MYO1H: variants seen among roughly 807,000 people sequenced by gnomAD.
MYO1H encodes unconventional myosin-Ih.
MYO1H carries 118 observed loss-of-function variants against 149.3 expected under a neutral mutation model. The ratio of observed to expected loss-of-function variants is 0.79; its 90% confidence interval spans 0.68 to 0.92. The LOEUF (loss-of-function observed/expected upper bound fraction) is 0.92. Among genes scored for constraint, MYO1H ranks in the 40% least tolerant of loss-of-function variants. The pLI is 0.00. For synonymous variants in MYO1H, 447 were observed against 465.2 expected, an observed-to-expected ratio of 0.96 and a Z score of 0.50; for missense variants, 1,212 against 1,280.7, an observed-to-expected ratio of 0.95 and a Z score of 0.82.
At chr12:109,446,934 A>G (rs1872506835) in intron 31 of MYO1H, 1 of 605,392 alleles carries the variant, frequency 1.7e-6, no homozygotes, top group Admixed American at 2.8e-5. Context: ...TCTCCTCTGG[A>G]GTCACACGGA....
At chr12:109,424,859 G>T in intron 17 of MYO1H, 31 bp downstream of exon 17, 6 of 1,583,414 alleles carry the variant, frequency 3.8e-6, no homozygotes, top group Non-Finnish European at 5.2e-6. Flanking sequence ...TGCAAAATTG[G>T]ATCTCACCAG....
At chr12:109,414,236 G>A (rs926221009) in intron 14 of MYO1H, among the ~76,000 whole-genome samples, 2 of 151,978 alleles carry the variant, frequency 1.3e-5, no homozygotes, top group Admixed American at 6.6e-5. Flanking sequence ...AGCTGTTTGC[G>A]AGACCAAGAC....
the MYO1H span, among the ~76,000 whole-genome samples, chr12:109,327,739 C>CA: frequency 0.087 from 7,409 of 85,542 alleles, 454 homozygotes; most frequent in Middle Eastern, 0.12. Flanking sequence ...AAAACTGTCT[C>CA]AAAAAAAAAA....
chr12:109,318,965 TGG>T, the MYO1H span, among the ~76,000 whole-genome samples: 5,115 of 43,294 alleles, frequency 0.12, 268 homozygotes, highest in African/African-American at 0.27. Context: ...TCTGCGTTTT[TGG>T]TTTTGTTTTT....
At chr12:109,426,892 G>A (rs991464091) in intron 18 of MYO1H, among the ~76,000 whole-genome samples, 4 of 152,104 alleles carry the variant, frequency 2.6e-5, no homozygotes, top group Admixed American at 2.6e-4. Context: ...CTGTCTAAAG[G>A]GGCAACAGCG....
intron 1 of MYO1H, among the ~76,000 whole-genome samples, chr12:109,386,758 G>C (rs1869333473): frequency 6.6e-6 from 1 of 152,118 alleles, no homozygotes; most frequent in African/African-American, 2.4e-5. Flanking sequence ...GTATAATTTA[G>C]GAATATTTTC....
intron 1 of MYO1H, among the ~76,000 whole-genome samples, chr12:109,370,357 T>C (rs969838187): frequency 2.0e-5 from 3 of 152,202 alleles, no homozygotes; most frequent in African/African-American, 7.2e-5. Flanking sequence ...GTCATCTCTA[T>C]CATGCCAAGG....
exon 32 of MYO1H, chr12:109,447,473 C>T (rs80024159): frequency 5.8e-5 from 30 of 519,618 alleles, no homozygotes; most frequent in Non-Finnish European, 8.3e-5. Context: ...CGCAGTCCAA[C>T]GTGTCATTAG....
chr12:109,334,111 G>T, the MYO1H span, among the ~76,000 whole-genome samples: 1 of 152,052 alleles, frequency 6.6e-6, no homozygotes, highest in African/African-American at 2.4e-5. Context: ...CCACCTCCTG[G>T]GTTCAAGCGA....
At chr12:109,380,412 G>A (rs947718369) in intron 1 of MYO1H, among the ~76,000 whole-genome samples, 1 of 152,170 alleles carries the variant, frequency 6.6e-6, no homozygotes, top group Non-Finnish European at 1.5e-5. Flanking sequence ...CTAGCATAGA[G>A]AGATTGACTA....
At chr12:109,423,555 A>G (rs1395127609) in intron 16 of MYO1H, among the ~76,000 whole-genome samples, 1 of 152,188 alleles carries the variant, frequency 6.6e-6, no homozygotes, top group Non-Finnish European at 1.5e-5. Context: ...CATCTTGCAG[A>G]ACTGAAACTC....
intron 1 of MYO1H, among the ~76,000 whole-genome samples, 189 bp downstream of exon 1, chr12:109,348,161 T>C (rs1260295661): frequency 6.6e-6 from 1 of 152,232 alleles, no homozygotes; most frequent in African/African-American, 2.4e-5. Context: ...TCCCTTCTGT[T>C]GCTGGGGGCA....
In MYO1H at chr12:109,426,077, G is replaced by A. The variant is rs149821598; in HGVS notation, c.1831+26G>A. The A allele has an allele frequency of 1.5e-4, 234 of 1,568,562 alleles. 2 individuals carry two copies. The African/African-American group carries it at 2.7e-3, about 18-fold the overall frequency. On this transcript the variant is annotated intron_variant, in intron 18 of 31. Transcript: ENST00000310903. ...GTGAGTTGTGGATCATTATGAACTGGGCTCAGGGAAAGGAGGCTGGGAGCC... is the reference window on the plus strand; with the variant it reads ...GTGAGTTGTGGATCATTATGAACTGAGCTCAGGGAAAGGAGGCTGGGAGCC...
intron 15 of MYO1H, among the ~76,000 whole-genome samples, chr12:109,416,181 C>T (rs987673872): frequency 4.6e-5 from 7 of 152,040 alleles, no homozygotes; most frequent in Non-Finnish European, 1.0e-4. Flanking sequence ...CTCAGCCTCC[C>T]AAAGTGCTGG....
chr12:109,405,806 G>T, intron 7 of MYO1H, 116 bp from the exon 8 acceptor site: 2 of 721,810 alleles, frequency 2.8e-6, no homozygotes, highest in Non-Finnish European at 4.8e-6. Flanking sequence ...GTGTGGAATT[G>T]GGACGGGGGC....
At chr12:109,447,098 G>C in intron 31 of MYO1H, 61 bp from the exon 32 acceptor site, 6 of 1,532,954 alleles carry the variant, frequency 3.9e-6, no homozygotes, top group Non-Finnish European at 5.3e-6. Flanking sequence ...GGTGATAACT[G>C]TTTCCTTTTG....
chr12:109,421,750 C>A (rs1179401308), intron 16 of MYO1H, among the ~76,000 whole-genome samples: 1 of 152,118 alleles, frequency 6.6e-6, no homozygotes, highest in African/African-American at 2.4e-5. Context: ...ATGGTATTAG[C>A]CCCCAGGGCT....
intron 1 of MYO1H, among the ~76,000 whole-genome samples, chr12:109,379,925 G>A (rs924674384): frequency 6.6e-6 from 1 of 151,872 alleles, no homozygotes; most frequent in Non-Finnish European, 1.5e-5. Context: ...TACAGATGGA[G>A]TTTCACCATG....
intron 1 of MYO1H, among the ~76,000 whole-genome samples, chr12:109,361,817 A>C (rs1215722806): frequency 7.4e-6 from 1 of 134,626 alleles, no homozygotes; most frequent in African/African-American, 2.9e-5. Context: ...GTCTCACAAA[A>C]AAAAAAAAAA....
Sources: gnomAD v4.1 joint callset for allele counts (sites outside exome capture counted in the v4.1 genomes callset) on GRCh38, gnomAD v4.1.1 for gene constraint, MANE v1.5 for transcripts, NCBI Gene and HGNC (gene_info 2026-07-23, HGNC 2026-07-21) for gene names.